Variants in CDH2 observed in about 807,000 individuals in gnomAD.
CDH2 encodes cadherin-2.
CDH2 carries 17 observed loss-of-function variants against 92.0 expected under a neutral mutation model. The observed-to-expected ratio is 0.18, with a 90% confidence interval of 0.13 to 0.28. The LOEUF (loss-of-function observed/expected upper bound fraction) is 0.28, where lower values mean the gene tolerates loss of function less well. CDH2 is among the 10% of genes least tolerant of loss of function. The probability of loss-of-function intolerance (pLI) is 1.00; values close to 1 mark genes in which losing one functional copy is unlikely to be tolerated. For synonymous variants in CDH2, 419 were observed against 415.9 expected, an observed-to-expected ratio of 1.01 and a Z score of -0.09; for missense variants, 862 against 1,133.1, an observed-to-expected ratio of 0.76 and a Z score of 3.44.
intron 2 of CDH2, among the ~76,000 whole-genome samples, chr18:28,145,353 T>G (rs935183845): frequency 1.3e-5 from 2 of 152,086 alleles, no homozygotes; most frequent in African/African-American, 4.8e-5. Context: ...ACCTCTTATG[T>G]ACAATTACTG....
chr18:27,966,967 A>C (rs2011547878), intron 14 of CDH2, among the ~76,000 whole-genome samples: 1 of 152,204 alleles, frequency 6.6e-6, no homozygotes, highest in Non-Finnish European at 1.5e-5. Context: ...GACTTGGATC[A>C]CATTATACAC....
At chr18:28,159,237 A>C (rs1475471131) in intron 1 of CDH2, 1 of 152,198 alleles carries the variant, frequency 6.6e-6, no homozygotes, top group African/African-American at 2.4e-5. Flanking sequence ...AGGTCCACAG[A>C]AAAGAAGCTT....
intron 2 of CDH2, among the ~76,000 whole-genome samples, chr18:28,018,102 T>C (rs1235975282): frequency 6.7e-6 from 1 of 150,016 alleles, no homozygotes; most frequent in African/African-American, 2.5e-5. Context: ...AGTTCTGTTA[T>C]ACACCAACAG....
At chr18:28,112,354 G>A (rs1362795708) in intron 2 of CDH2, among the ~76,000 whole-genome samples, 1 of 152,254 alleles carries the variant, frequency 6.6e-6, no homozygotes, top group African/African-American at 2.4e-5. Context: ...CTTGCCCACA[G>A]AATTCCACAC....
chr18:28,099,353 A>T (rs1319780566), intron 2 of CDH2, among the ~76,000 whole-genome samples: 1 of 152,184 alleles, frequency 6.6e-6, no homozygotes, highest in Admixed American at 6.6e-5. Context: ...GCAGGTCAAG[A>T]GGACTTTAAC....
chr18:28,118,561 TTTAA>T (rs756013367), intron 2 of CDH2, among the ~76,000 whole-genome samples: 15 of 151,870 alleles, frequency 9.9e-5, no homozygotes, highest in Admixed American at 7.2e-4. Context: ...GCATTTACAG[TTTAA>T]TTAGTCTGTT....
intron 2 of CDH2, among the ~76,000 whole-genome samples, chr18:28,121,090 T>C (rs2015580263): frequency 6.6e-6 from 1 of 152,132 alleles, no homozygotes; most frequent in African/African-American, 2.4e-5. Context: ...ATCCAGTGCT[T>C]AGAATATGTT....
At chr18:28,090,302 TCA>T (rs914909990) in intron 2 of CDH2, among the ~76,000 whole-genome samples, 2 of 152,204 alleles carry the variant, frequency 1.3e-5, no homozygotes, top group Non-Finnish European at 2.9e-5. Context: ...TTAATTTGTC[TCA>T]CAGTGACAAA....
At chr18:27,971,097 G>A (rs1253424390) in intron 14 of CDH2, among the ~76,000 whole-genome samples, 17 of 152,074 alleles carry the variant, frequency 1.1e-4, no homozygotes, top group Admixed American at 2.6e-4. Context: ...TTAGCTGGGC[G>A]TCGTGGCACA....
chr18:27,933,977 A>G (rs927630100), intron 6 of CDH2, among the ~76,000 whole-genome samples: 14 of 152,232 alleles, frequency 9.2e-5, no homozygotes, highest in African/African-American at 3.4e-4. Flanking sequence ...CTGAAATAAC[A>G]TAAATTAAAG....
intron 14 of CDH2, among the ~76,000 whole-genome samples, chr18:27,972,828 T>C (rs1034364094): frequency 6.6e-6 from 1 of 152,060 alleles, no homozygotes; most frequent in East Asian, 1.9e-4. Context: ...AGAGTGGACA[T>C]AAAAGCTCAA....
At chr18:28,116,794 TTACTAAAGA>T (rs964919950) in intron 2 of CDH2, among the ~76,000 whole-genome samples, 1 of 152,110 alleles carries the variant, frequency 6.6e-6, no homozygotes, top group African/African-American at 2.4e-5. Context: ...TGACCCAGCT[TTACTAAAGA>T]TACCGGTGCT....
chr18:28,170,671 T>G (rs2016451427), intron 1 of CDH2, among the ~76,000 whole-genome samples: 1 of 152,162 alleles, frequency 6.6e-6, no homozygotes, highest in South Asian at 2.1e-4. Context: ...GGTTCATGAC[T>G]ATTCCCAAAA....
chr18:28,006,895 C>G (rs909050069), intron 5 of CDH2, among the ~76,000 whole-genome samples: 2 of 151,438 alleles, frequency 1.3e-5, no homozygotes, highest in South Asian at 4.2e-4. Context: ...TGGCTGGGCA[C>G]AGTGAGTAGC....
chr18:28,114,801 C>T (rs949611157), intron 2 of CDH2, among the ~76,000 whole-genome samples: 3 of 151,678 alleles, frequency 2.0e-5, no homozygotes, highest in African/African-American at 7.3e-5. Context: ...ACCTTAGGCA[C>T]ACTACAACCT....
chr18:28,171,522 A>T (rs2016464184), intron 1 of CDH2, among the ~76,000 whole-genome samples: 1 of 152,172 alleles, frequency 6.6e-6, no homozygotes, highest in Admixed American at 6.5e-5. Flanking sequence ...TTACTGGCAA[A>T]GGTAGCACAG....
intron 1 of CDH2, among the ~76,000 whole-genome samples, chr18:28,174,905 G>A (rs780232680): frequency 1.1e-4 from 16 of 152,112 alleles, no homozygotes; most frequent in Non-Finnish European, 2.1e-4. Flanking sequence ...ACCCAATGCT[G>A]TCCAAAAATT....
chr18:28,032,343 A>G (rs562498171), intron 2 of CDH2, among the ~76,000 whole-genome samples: 2 of 152,290 alleles, frequency 1.3e-5, no homozygotes, highest in East Asian at 1.9e-4. Flanking sequence ...TGAACCATCA[A>G]TTATAACCCT....
intron 15 of CDH2, among the ~76,000 whole-genome samples, chr18:27,961,990 A>G (rs562286280): frequency 6.6e-6 from 1 of 152,312 alleles, no homozygotes; most frequent in Admixed American, 6.5e-5. Flanking sequence ...TCCTAAACCT[A>G]CAGTCAGAAG....
Sources: gnomAD v4.1 joint callset for allele counts (sites outside exome capture counted in the v4.1 genomes callset) on GRCh38, gnomAD v4.1.1 for gene constraint, MANE v1.5 for transcripts, NCBI Gene and HGNC (gene_info 2026-07-23, HGNC 2026-07-21) for gene names.